TLK1: variants seen among roughly 807,000 people sequenced by gnomAD.
TLK1 encodes serine/threonine-protein kinase tousled-like 1.
A neutral mutation model predicts 105.3 loss-of-function variants in TLK1; 24 were observed. That is an observed-to-expected ratio of 0.23 (90% CI 0.17 to 0.32). TLK1 has a LOEUF of 0.32. TLK1 is among the 10% of genes least tolerant of loss of function. The pLI, the probability that TLK1 is intolerant of heterozygous loss-of-function variation, is 1.00. For synonymous variants in TLK1, 321 were observed against 310.4 expected (o/e 1.03, Z -0.36); for missense variants, 558 against 910.5 (o/e 0.61, Z 4.98).
intron 3 of TLK1, among the ~76,000 whole-genome samples, chr2:171,066,595 T>G (rs1433722120): frequency 6.6e-6 from 1 of 152,222 alleles, no homozygotes; most frequent in African/African-American, 2.4e-5. Context: ...CTACCTAACT[T>G]GACATCCTCA....
Position 171,160,369 on chromosome 2 carries a change from G to T in TLK1, c.60C>A (p.Ser20=). The change falls in exon 1 of 21, where the codon TCC becomes TCA. Residue 20 remains serine (S), a synonymous_variant. Transcript: ENST00000431350. The surrounding 1 kb of genome is among the most constrained non-coding windows in gnomAD (Gnocchi z 4.4). ...CCGCCGAGCCCGGGGTTGGAGACGT[G>T]GAGAGCTGGGACCAAGATGGCGGCC... is the stretch of plus-strand genomic sequence containing the variant. ...LEGPPSWSQL[S]TSPTPGSAAA... The T allele has an allele frequency of 6.2e-7, 1 of 1,606,180 alleles. No individual in the cohort carries two copies. The highest frequency in any genetic ancestry group is 2.3e-5 in the East Asian group (1 of 43,392).
chr2:171,061,236 C>A, intron 3 of TLK1, 80 bp from the exon 4 acceptor site: 2 of 1,395,036 alleles, frequency 1.4e-6, no homozygotes, highest in South Asian at 1.2e-5. Flanking sequence ...AACCATGTTT[C>A]GAGACCAAAA....
intron 7 of TLK1, chr2:171,054,606 T>G (rs1687407071): frequency 6.6e-6 from 1 of 152,442 alleles, no homozygotes. Flanking sequence ...AACCCCAGTC[T>G]GAGAAAGTGC....
rs766099431 is a variant in TLK1 at position 171,160,453 on chromosome 2, T to A, written c.-25A>T. On this transcript the variant is annotated 5_prime_UTR_variant, in exon 1 of 21. Coordinates refer to ENST00000431350, the MANE Select transcript of TLK1 (RefSeq NM_012290.5). The surrounding 1 kb of genome is among the most constrained non-coding windows in gnomAD (Gnocchi z 4.4). ...TCAAGCTACTTTCTGGGAACCCGAC[T>A]CCCCCCCTGCGACGGCAGCGGCGGC... 1 of 1,580,862 alleles carries A rather than the reference T, an allele frequency of 6.3e-7. No individual in the cohort carries two copies.
chr2:171,028,457 T>C lies in TLK1; in HGVS notation c.1170-52A>G, dbSNP rs987229672. ...CATATTGAGATTAATACTTAGTTTA[T>C]TAACAACTAGCAAAATATAAAAATC... On this transcript the variant is annotated intron_variant, in intron 11 of 20. Transcript: ENST00000431350. 3.3e-6 allele frequency: 4 copies of C among 1,216,494 alleles called. No homozygotes were observed. In the African/African-American group the frequency reaches 4.5e-5, roughly 14 times the overall value. The allele number at this position is 1,216,494 out of a possible 1,614,324, so 75.4% of individuals were successfully genotyped here.
Position 170,993,694 on chromosome 2 carries a change from A to AAAAAT in TLK1, c.*85_*86insATTTT. On this transcript the variant is annotated 3_prime_UTR_variant, in exon 21 of 21. Coordinates refer to ENST00000431350, the MANE Select transcript of TLK1 (RefSeq NM_012290.5). ...AAAAAAAAAAAAAAAAAAAAAAGAA[A>AAAAAT]AAGAAAACAAACACTCAAATGCTCT... The AAAAAT allele has an allele frequency of 9.1e-7, 1 of 1,093,228 alleles. No individual in the cohort carries two copies. The highest frequency in any genetic ancestry group is 1.2e-6 in the Non-Finnish European group (1 of 812,120). The allele number at this position is 1,093,228 out of a possible 1,614,324, so 67.7% of individuals were successfully genotyped here.
At chr2:171,078,738 T>C (rs922473658) in intron 3 of TLK1, among the ~76,000 whole-genome samples, 1 of 152,198 alleles carries the variant, frequency 6.6e-6, no homozygotes, top group Admixed American at 6.5e-5. Flanking sequence ...TTGAAAATAC[T>C]AGTTAGAAGT....
intron 3 of TLK1, among the ~76,000 whole-genome samples, chr2:171,067,134 C>T (rs1688034349): frequency 6.6e-6 from 1 of 150,460 alleles, no homozygotes; most frequent in African/African-American, 2.4e-5. Flanking sequence ...AATGTAAATG[C>T]TGTATCACAG....
chr2:171,191,288 G>A (rs2105313841), intron 1 of TLK1, among the ~76,000 whole-genome samples: 1 of 152,234 alleles, frequency 6.6e-6, no homozygotes, highest in Middle Eastern at 3.4e-3. Context: ...AGCAATCTTA[G>A]CCAGGAGTGG....
chr2:171,041,643 T>C (rs1686682539), intron 11 of TLK1, among the ~76,000 whole-genome samples: 1 of 152,186 alleles, frequency 6.6e-6, no homozygotes, highest in Non-Finnish European at 1.5e-5. Context: ...CCTGATTATC[T>C]GAGGTGGAAC....
At chr2:171,211,431 C>T (rs1342271891) in intron 1 of TLK1, among the ~76,000 whole-genome samples, 1 of 152,070 alleles carries the variant, frequency 6.6e-6, no homozygotes, top group Non-Finnish European at 1.5e-5. Flanking sequence ...ATTTAATACA[C>T]CAGAAATATA....
rs776521445 is a variant in TLK1 at position 171,061,152 on chromosome 2, G to A, written c.335C>T (p.Pro112Leu). The A allele has an allele frequency of 5.6e-6, 9 of 1,612,356 alleles. No homozygotes were observed. The highest frequency in any genetic ancestry group is 5.0e-5 in the Admixed American group (3 of 59,888). Residue 112 changes from proline to leucine, a missense_variant, in exon 4 of 21, where the codon CCG becomes CTG. By Grantham distance (98) the Pro-to-Leu change is moderately conservative. This residue lies in a region of TLK1 where 13 missense variants were observed against 39.9 expected (regional missense o/e 0.33). Transcript: ENST00000431350. ...GSLSDKESET[P>L]EKKQSESSRG... ...GGATGATTCCGATTGTTTCTTCTCC[G>A]GTGTCTACAGAAAACAAGATAACAG... is the stretch of plus-strand genomic sequence containing the variant.
chr2:171,149,345 T>G (rs1023933505), intron 1 of TLK1, among the ~76,000 whole-genome samples: 1 of 152,170 alleles, frequency 6.6e-6, no homozygotes, highest in Non-Finnish European at 1.5e-5. Flanking sequence ...TAGTTACTAT[T>G]ACTATCCCAC....
At chr2:171,074,981 T>C (rs971891445) in intron 3 of TLK1, among the ~76,000 whole-genome samples, 5 of 152,042 alleles carry the variant, frequency 3.3e-5, no homozygotes, top group African/African-American at 1.2e-4. Flanking sequence ...AATCGATTTT[T>C]AAAGTCTCTC....
chr2:171,094,225 C>T (rs1689357925), intron 2 of TLK1, among the ~76,000 whole-genome samples: 1 of 151,992 alleles, frequency 6.6e-6, no homozygotes, highest in Admixed American at 6.6e-5. Context: ...AGAGTAGGGG[C>T]AGAAGCACTG....
intron 2 of TLK1, among the ~76,000 whole-genome samples, chr2:171,085,129 C>T (rs1173132178): frequency 6.6e-6 from 1 of 152,170 alleles, no homozygotes; most frequent in East Asian, 1.9e-4. Context: ...GTGGCTCATG[C>T]CTGTAATCCC....
At chr2:171,186,305 A>G (rs1450491068) in intron 1 of TLK1, among the ~76,000 whole-genome samples, 2 of 152,216 alleles carry the variant, frequency 1.3e-5, no homozygotes, top group Non-Finnish European at 1.5e-5. Context: ...CTAGCCTCAC[A>G]CACACCATGC....
chr2:171,172,573 T>G (rs1692750225), intron 1 of TLK1, among the ~76,000 whole-genome samples: 1 of 152,110 alleles, frequency 6.6e-6, no homozygotes, highest in South Asian at 2.1e-4. Flanking sequence ...TGGGAGGTGA[T>G]TGGATCATGG....
At chr2:171,182,935 A>AAAAAGAAAGAAAGAAAGAAAGAAAGAAAG (rs1553487148) in intron 1 of TLK1, among the ~76,000 whole-genome samples, 12 of 128,838 alleles carry the variant, frequency 9.3e-5, no homozygotes, top group African/African-American at 4.0e-4. Context: ...AAAAAAAAAA[A>AAAAAGAAAGAAAGAAAGAAAGAAAGAAAG]AAAGAAAGAA....
Sources: gnomAD v4.1 joint callset for allele counts (sites outside exome capture counted in the v4.1 genomes callset) on GRCh38, gnomAD v4.1.1 for gene constraint, gnomAD v4.1.1 regional missense constraint, Gnocchi (gnomAD v3.1) non-coding constraint, MANE v1.5 for transcripts, NCBI Gene and HGNC (gene_info 2026-07-23, HGNC 2026-07-21) for gene names.